Variants in MACROD2 observed in about 807,000 individuals in gnomAD.
MACROD2 encodes mono-ADP ribosylhydrolase 2, also known as ADP-ribose glycohydrolase MACROD2.
A neutral mutation model predicts 70.4 loss-of-function variants in MACROD2; 36 were observed. The observed-to-expected ratio is 0.51, with a 90% CI of 0.39 to 0.68. The LOEUF is 0.68. Among genes scored for constraint, MACROD2 ranks in the 30% least tolerant of loss-of-function variants. MACROD2 has a pLI of 0.00. For missense variants in MACROD2, 496 were observed against 538.4 expected (o/e 0.92, Z 0.78); for synonymous variants, 172 against 178.8 (o/e 0.96, Z 0.30).
intron 6 of MACROD2, among the ~76,000 whole-genome samples, chr20:15,257,007 C>T (rs989415859): frequency 2.6e-5 from 4 of 151,848 alleles, no homozygotes; most frequent in African/African-American, 9.7e-5. Flanking sequence ...TGTCAGATTA[C>T]CAGCTTTTAT....
At chr20:14,263,788 C>T (rs2082119883) in intron 3 of MACROD2, among the ~76,000 whole-genome samples, 1 of 151,490 alleles carries the variant, frequency 6.6e-6, no homozygotes, top group African/African-American at 2.4e-5. Flanking sequence ...TGGTGAAATC[C>T]CGACTCCACA....
chr20:14,303,134 A>G (rs76826608), intron 3 of MACROD2, among the ~76,000 whole-genome samples: 2,292 of 152,224 alleles, frequency 0.015, 24 homozygotes, highest in African/African-American at 0.027. Flanking sequence ...CATGTTGAGA[A>G]TGAACTGAAT....
chr20:15,197,062 C>A (rs1032095566), intron 5 of MACROD2: 1 of 980,416 alleles, frequency 1.0e-6, no homozygotes, highest in African/African-American at 1.8e-5. Flanking sequence ...TTATAAGGTC[C>A]TTATAAGGTC....
chr20:14,046,080 T>A (rs762869039), intron 2 of MACROD2, among the ~76,000 whole-genome samples: 3 of 152,082 alleles, frequency 2.0e-5, no homozygotes, highest in Non-Finnish European at 1.5e-5. Flanking sequence ...AAAGAAAGAA[T>A]GAGAAATTCC....
Position 14,388,234 on chromosome 20 carries a change from G to A in MACROD2, c.272-105245G>A, listed in dbSNP as rs375650668. Among the ~76,000 whole-genome samples the A allele has an allele frequency of 3.9e-5, 6 of 151,950 alleles. No homozygotes were observed. The East Asian group carries it at 5.8e-4, about 15-fold the overall frequency. On this transcript the variant is annotated intron_variant, in intron 3 of 17. Transcript: ENST00000684519. The stretch of plus-strand genomic sequence containing the variant: ...TCACTGTGTTCGCCAGGATGGTCTC[G>A]ATCTCCTGACTTCGTGATCCACCCA...
At chr20:14,359,055 G>A (rs1411306374) in intron 3 of MACROD2, among the ~76,000 whole-genome samples, 4 of 152,072 alleles carry the variant, frequency 2.6e-5, no homozygotes, top group African/African-American at 9.7e-5. Context: ...AGGCATAGTG[G>A]TGCCTGCCTG....
chr20:15,580,556 CTCCATCTACTATT>C (rs2048509729), intron 8 of MACROD2, among the ~76,000 whole-genome samples: 1 of 152,148 alleles, frequency 6.6e-6, no homozygotes. Context: ...TAAGTGACAC[CTCCATCTACTATT>C]TCCTCAGGCT....
chr20:14,995,314 T>A (rs2074939918), intron 5 of MACROD2, among the ~76,000 whole-genome samples: 1 of 152,076 alleles, frequency 6.6e-6, no homozygotes, highest in African/African-American at 2.4e-5. Context: ...TACAGTTTCC[T>A]CAAATAATTT....
intron 2 of MACROD2, among the ~76,000 whole-genome samples, chr20:14,038,071 A>G (rs1233477033): frequency 6.6e-6 from 1 of 152,178 alleles, no homozygotes; most frequent in African/African-American, 2.4e-5. Context: ...GAGGCAGTGG[A>G]TCACTTCACG....
chr20:15,304,430 A>G (rs1417952394), intron 6 of MACROD2, among the ~76,000 whole-genome samples: 1 of 152,208 alleles, frequency 6.6e-6, no homozygotes, highest in African/African-American at 2.4e-5. Context: ...TGAAATAAGG[A>G]ACATCAGCAA....
intron 3 of MACROD2, among the ~76,000 whole-genome samples, chr20:14,340,289 C>A (rs1406295529): frequency 6.6e-6 from 1 of 152,156 alleles, no homozygotes; most frequent in Non-Finnish European, 1.5e-5. Context: ...CACAGCTGGG[C>A]TCCATGTTGG....
At chr20:15,012,474 A>G (rs1259790477) in intron 5 of MACROD2, among the ~76,000 whole-genome samples, 1 of 152,172 alleles carries the variant, frequency 6.6e-6, no homozygotes. Context: ...CCTGAAAATA[A>G]TAGGGTGCTC....
chr20:15,808,333 C>A (rs546340988), intron 8 of MACROD2, among the ~76,000 whole-genome samples: 1 of 152,156 alleles, frequency 6.6e-6, no homozygotes, highest in Non-Finnish European at 1.5e-5. Flanking sequence ...CATCTGTTCA[C>A]CCCTTTAATT....
chr20:14,316,700 G>A (rs2082614404), intron 3 of MACROD2, among the ~76,000 whole-genome samples: 1 of 152,170 alleles, frequency 6.6e-6, no homozygotes. Flanking sequence ...GAAGTTAAGA[G>A]CCCAAGCTTC....
chr20:15,298,273 G>A (rs2077609682), intron 6 of MACROD2, among the ~76,000 whole-genome samples: 1 of 152,230 alleles, frequency 6.6e-6, no homozygotes, highest in South Asian at 2.1e-4. Context: ...CATGTAAAGT[G>A]TATCTCCCTG....
intron 8 of MACROD2, among the ~76,000 whole-genome samples, chr20:15,620,894 T>C (rs1333655995): frequency 2.0e-5 from 3 of 151,978 alleles, no homozygotes; most frequent in Non-Finnish European, 4.4e-5. Flanking sequence ...TAACTGAAAA[T>C]GTGTTATCAA....
intron 4 of MACROD2, among the ~76,000 whole-genome samples, chr20:14,631,506 T>C (rs1471450416): frequency 2.6e-5 from 4 of 152,140 alleles, no homozygotes; most frequent in Admixed American, 6.5e-5. Context: ...CACGGTGGCT[T>C]ACGCCTGTAA....
chr20:15,543,917 A>G (rs1281749374), intron 8 of MACROD2, among the ~76,000 whole-genome samples: 1 of 152,220 alleles, frequency 6.6e-6, no homozygotes, highest in Non-Finnish European at 1.5e-5. Flanking sequence ...CAAGTCCCCA[A>G]AGCAATCACC....
intron 6 of MACROD2, among the ~76,000 whole-genome samples, chr20:15,377,850 T>C (rs560967785): frequency 1.8e-4 from 27 of 152,158 alleles, no homozygotes; most frequent in African/African-American, 6.3e-4. Context: ...AACAGGAAGA[T>C]TGGAGTGGCA....
Sources: gnomAD v4.1 joint callset for allele counts (sites outside exome capture counted in the v4.1 genomes callset) on GRCh38, gnomAD v4.1.1 for gene constraint, MANE v1.5 for transcripts, NCBI Gene and HGNC (gene_info 2026-07-23, HGNC 2026-07-21) for gene names.